Variants in TRIM37 observed in about 807,000 individuals in gnomAD.
TRIM37 encodes E3 ubiquitin-protein ligase TRIM37.
Under a neutral mutation model 129.8 loss-of-function variants are expected in TRIM37, and 80 were observed. The ratio of observed to expected loss-of-function variants is 0.62; its 90% CI spans 0.51 to 0.74. The LOEUF (loss-of-function observed/expected upper bound fraction) is 0.74. Ranked by LOEUF, TRIM37 falls within the 30% of genes least tolerant of loss-of-function variation. The pLI is 0.00. For missense variants in TRIM37, 1,054 were observed against 1,176.5 expected (o/e 0.90, Z 1.52); for synonymous variants, 389 against 387.1 (o/e 1.00, Z -0.06).
At chr17:59,062,804 T>C (rs2041607940) in intron 10 of TRIM37, among the ~76,000 whole-genome samples, 156 bp from the exon 11 acceptor site, 1 of 152,192 alleles carries the variant, frequency 6.6e-6, no homozygotes, top group Admixed American at 6.5e-5. Flanking sequence ...TGTAAAAGTT[T>C]AGATATGCTT....
At chr17:59,006,895 A>G (rs2034554364) in intron 22 of TRIM37, among the ~76,000 whole-genome samples, 1 of 151,838 alleles carries the variant, frequency 6.6e-6, no homozygotes, top group Non-Finnish European at 1.5e-5. Flanking sequence ...TCTCCAAAAA[A>G]TAAATAAATA....
At chr17:59,102,355 G>T (rs1196431939) in intron 2 of TRIM37, among the ~76,000 whole-genome samples, 2 of 152,106 alleles carry the variant, frequency 1.3e-5, no homozygotes, top group African/African-American at 4.8e-5. Flanking sequence ...TAAGCACATG[G>T]GACCTTCATC....
rs566914768 is a variant in TRIM37 at position 59,104,069 on chromosome 17, C to T, written c.123+224G>A. ...CTTCTTTAGTGCCTCCTTATGATAC[C>T]GCACATTCTTCAAAATAAACATTCT... On this transcript the variant is annotated intron_variant, in intron 2 of 23. Coordinates refer to ENST00000262294, the MANE Select transcript of TRIM37 (RefSeq NM_015294.6). 7.2e-5 allele frequency among the ~76,000 whole-genome samples: 11 copies of T among 152,216 alleles called. No individual in the cohort carries two copies. In the East Asian group the frequency reaches 1.2e-3, roughly 16 times the overall value.
chr17:59,014,102 TAA>T (rs2035618937), intron 21 of TRIM37, among the ~76,000 whole-genome samples: 2 of 152,194 alleles, frequency 1.3e-5, no homozygotes, highest in Non-Finnish European at 2.9e-5. Flanking sequence ...AAGAAATGTA[TAA>T]AACATCAGGT....
At chr17:59,086,887 T>G (rs2043799230) in intron 4 of TRIM37, among the ~76,000 whole-genome samples, 1 of 152,140 alleles carries the variant, frequency 6.6e-6, no homozygotes, top group Non-Finnish European at 1.5e-5. Context: ...TTTGAGAGGC[T>G]CTAATAGAAG....
At chr17:59,096,289 C>T (rs902256963) in intron 2 of TRIM37, among the ~76,000 whole-genome samples, 8 of 151,540 alleles carry the variant, frequency 5.3e-5, no homozygotes, top group African/African-American at 1.7e-4. Context: ...CAGTGGCTCA[C>T]GCCTGTAATC....
intron 19 of TRIM37, among the ~76,000 whole-genome samples, chr17:59,024,108 G>T (rs892047594): frequency 6.6e-6 from 1 of 151,534 alleles, no homozygotes; most frequent in Non-Finnish European, 1.5e-5. Flanking sequence ...CAGCTACTTG[G>T]GAGGCTGACA....
At position 58,999,167 on chromosome 17, in the gene TRIM37, G is replaced by C; in HGVS notation, c.*210C>G. ...CATTGTTATTTCCTTACATTACAAA[G>C]AACTCTTCCCATACTGTTTTTCCCA... On this transcript the variant is annotated 3_prime_UTR_variant, in exon 24 of 24. Coordinates refer to ENST00000262294, the MANE Select transcript of TRIM37 (RefSeq NM_015294.6). 1 of 1,401,144 alleles carries C rather than the reference G, an allele frequency of 7.1e-7. No homozygotes were observed. The allele number at this position is 1,401,144 out of a possible 1,614,324, so 86.8% of individuals were successfully genotyped here.
chr17:59,003,581 C>T (rs1780009624), intron 22 of TRIM37, among the ~76,000 whole-genome samples: 2 of 148,190 alleles, frequency 1.3e-5, no homozygotes, highest in Admixed American at 6.8e-5. Context: ...AACAGGCATA[C>T]TGATGAAGAC....
chr17:59,100,048 C>T (rs2045314943), intron 2 of TRIM37, among the ~76,000 whole-genome samples: 1 of 152,118 alleles, frequency 6.6e-6, no homozygotes. Flanking sequence ...GTGATCCATC[C>T]ACTTCGGCCT....
At chr17:59,053,319 T>A (rs889140040) in intron 13 of TRIM37, among the ~76,000 whole-genome samples, 5 of 152,190 alleles carry the variant, frequency 3.3e-5, no homozygotes, top group Non-Finnish European at 7.4e-5. Context: ...TCCACCAGAA[T>A]CTTGAAATAA....
intron 1 of TRIM37, 87 bp from the exon 2 acceptor site, chr17:59,104,481 A>T: frequency 8.5e-7 from 1 of 1,182,190 alleles, no homozygotes; most frequent in East Asian, 2.3e-5. Context: ...TGACATTTAC[A>T]TTTATTTTGG....
At position 59,027,544 on chromosome 17, in the gene TRIM37, T is replaced by C. The variant is rs573195923; in HGVS notation, c.2257+871A>G. On this transcript the variant is annotated intron_variant, in intron 19 of 23. Transcript: ENST00000262294. Reference sequence around the variant, plus strand: ...GCTAGACTGTGAACAAGCCCCTCTATCCATTATTGTAACTCCAGAAAATGC... The same window carrying C: ...GCTAGACTGTGAACAAGCCCCTCTACCCATTATTGTAACTCCAGAAAATGC... Among the ~76,000 whole-genome samples, 10 of 152,208 alleles carry C rather than the reference T, an allele frequency of 6.6e-5. No homozygotes were observed. In the South Asian group the frequency reaches 2.1e-3, roughly 32 times the overall value.
At chr17:59,064,726 T>G (rs986837190) in intron 9 of TRIM37, among the ~76,000 whole-genome samples, 1 of 152,136 alleles carries the variant, frequency 6.6e-6, no homozygotes, top group Non-Finnish European at 1.5e-5. Context: ...ATGGCCAACA[T>G]GGTAAAACCC....
intron 12 of TRIM37, among the ~76,000 whole-genome samples, chr17:59,058,828 T>C (rs1044431459): frequency 6.6e-6 from 1 of 152,084 alleles, no homozygotes; most frequent in African/African-American, 2.4e-5. Flanking sequence ...TGTGCCACTG[T>C]GCTCCAGCCT....
chr17:59,038,907 A>G (rs2038841946), intron 17 of TRIM37, among the ~76,000 whole-genome samples: 1 of 152,192 alleles, frequency 6.6e-6, no homozygotes, highest in Non-Finnish European at 1.5e-5. Flanking sequence ...ACTGACTGCC[A>G]GATGCTGACT....
intron 9 of TRIM37, among the ~76,000 whole-genome samples, chr17:59,068,994 T>G (rs2042146662): frequency 6.6e-6 from 1 of 152,232 alleles, no homozygotes; most frequent in African/African-American, 2.4e-5. Context: ...ATAATTATTC[T>G]GCTTAAAATG....
intron 24 of TRIM37, among the ~76,000 whole-genome samples, chr17:58,986,199 ATTTCC>A (rs1328022392): frequency 2.0e-5 from 3 of 146,716 alleles, no homozygotes; most frequent in Admixed American, 1.4e-4. Context: ...AGTGTGCATC[ATTTCC>A]TTTCCTTCTT....
chr17:59,001,803 T>C (rs1762182740), intron 22 of TRIM37, 89 bp from the exon 23 acceptor site: 10 of 1,534,370 alleles, frequency 6.5e-6, no homozygotes, highest in Non-Finnish European at 8.8e-6. Flanking sequence ...AAACTGAGAT[T>C]CCTATTGAAT....
Sources: allele counts gnomAD v4.1 joint callset (sites outside exome capture counted in the v4.1 genomes callset), GRCh38; gene constraint gnomAD v4.1.1; transcripts MANE v1.5; gene names NCBI Gene and HGNC (gene_info 2026-07-23, HGNC 2026-07-21).